SMARCA4: variants seen among roughly 807,000 people sequenced by gnomAD.
SMARCA4 encodes the protein SWI/SNF-related matrix-associated actin-dependent regulator of chromatin subfamily A member 4.
A neutral mutation model predicts 193.9 loss-of-function variants in SMARCA4; 31 were observed. The ratio of observed to expected loss-of-function variants is 0.16; its 90% CI spans 0.12 to 0.22. SMARCA4 has a LOEUF of 0.22. Ranked by LOEUF, SMARCA4 falls within the 10% of genes least tolerant of loss-of-function variation. The probability of loss-of-function intolerance (pLI) is 1.00; values close to 1 mark genes in which losing one functional copy is unlikely to be tolerated. For missense variants in SMARCA4, 1,148 were observed against 2,296.0 expected (o/e 0.50, Z 10.22); for synonymous variants, 942 against 933.1 (o/e 1.01, Z -0.17).
intron 30 of SMARCA4, among the ~76,000 whole-genome samples, chr19:11,051,368 G>T (rs115371555): frequency 6.6e-6 from 1 of 152,152 alleles, no homozygotes; most frequent in Non-Finnish European, 1.5e-5. Context: ...GGAGCCGCTC[G>T]TGCCTTTCCC....
At chr19:11,012,841 G>T in intron 15 of SMARCA4, 108 bp from the exon 16 acceptor site, 1 of 993,324 alleles carries the variant, frequency 1.0e-6, no homozygotes, top group African/African-American at 1.6e-5. Context: ...GTGGGATGTG[G>T]CTTAGGCAGA....
intron 34 of SMARCA4, chr19:11,060,441 G>C: frequency 3.4e-6 from 2 of 586,320 alleles, no homozygotes; most frequent in South Asian, 3.9e-5. Context: ...GGACACGTGA[G>C]TCCTCAGGAC....
intron 30 of SMARCA4, among the ~76,000 whole-genome samples, chr19:11,047,424 T>TC (rs2076004509): frequency 7.2e-6 from 1 of 139,290 alleles, no homozygotes; most frequent in African/African-American, 2.6e-5. Flanking sequence ...TTTTTTTTTT[T>TC]TGGAGATGCA....
At chr19:10,981,229 G>C (rs910706461) in intron 1 of SMARCA4, among the ~76,000 whole-genome samples, 1 of 152,094 alleles carries the variant, frequency 6.6e-6, no homozygotes, top group Non-Finnish European at 1.5e-5. Context: ...AGAGGGGAGC[G>C]CCAAGGAGCC....
At position 10,985,120 on chromosome 19, in the gene SMARCA4, C is replaced by T. The variant is rs145447562; in HGVS notation, c.223-153C>T. Among the ~76,000 whole-genome samples the T allele has an allele frequency of 2.1e-3, 316 of 152,064 alleles. 2 individuals are homozygous for T. Among genetic ancestry groups the T allele is most frequent in the Non-Finnish European group, 2.4e-3 (164 of 67,994 alleles). On this transcript the variant is annotated intron_variant, in intron 2 of 34. Transcript: ENST00000344626. This position sits in a 1 kb window ranked among gnomAD's most constrained non-coding sequence, Gnocchi z 4.5. ...TCGAGGCCTAAGTAGGTGTCAGAACCTTGCCTTGGAGTCATGCTGGGGACT... is the reference window on the plus strand; with the variant it reads ...TCGAGGCCTAAGTAGGTGTCAGAACTTTGCCTTGGAGTCATGCTGGGGACT...
rs1202339621 is a variant in SMARCA4 at position 11,018,129 on chromosome 19, C to T, written c.2439-828C>T. ...ACACAGCACCTCCCTCGTGGAGCTG[C>T]TTGGGGGCAAACCACGAGTAGTCCC... On this transcript the variant is annotated intron_variant, in intron 16 of 34. Transcript: ENST00000344626. Among the ~76,000 whole-genome samples, 3 of 152,200 alleles carry T rather than the reference C, an allele frequency of 2.0e-5. No individual in the cohort carries two copies. The South Asian group carries it at 6.2e-4, about 32-fold the overall frequency.
At chr19:11,003,250 T>C in intron 12 of SMARCA4, 90 bp from the exon 13 acceptor site, 1 of 1,606,942 alleles carries the variant, frequency 6.2e-7, no homozygotes, top group Non-Finnish European at 8.5e-7. Flanking sequence ...GCAATTTTAC[T>C]TCTGTTTGAA....
rs1414888106 is a variant in SMARCA4 at position 10,994,990 on chromosome 19, C to T, written c.1582C>T (p.Arg528Trp). 2 of 1,612,092 alleles carry T rather than the reference C, an allele frequency of 1.2e-6. No individual in the cohort carries two copies. Among genetic ancestry groups the T allele is most frequent in the Non-Finnish European group, 1.7e-6 (2 of 1,179,030 alleles). ...ENERIEKERM[R>W]RLMAEDEEGY... Reference sequence around the variant, plus strand: ...CGAGCGGATCGAGAAGGAGCGCATGCGGAGGCTCATGGTATGGTCCTGCCT... The same window carrying T: ...CGAGCGGATCGAGAAGGAGCGCATGTGGAGGCTCATGGTATGGTCCTGCCT... The change falls in exon 9 of 35, where the codon CGG becomes TGG. Residue 528 changes from arginine to tryptophan, a missense_variant. This residue lies in a region of SMARCA4 where 10 missense variants were observed against 89.9 expected (regional missense o/e 0.11). Transcript: ENST00000344626.
intron 30 of SMARCA4, among the ~76,000 whole-genome samples, chr19:11,044,759 G>T (rs2075805380): frequency 6.6e-6 from 1 of 152,130 alleles, no homozygotes; most frequent in Non-Finnish European, 1.5e-5. Flanking sequence ...ATTTTCTGAG[G>T]CTCAGCCTGT....
chr19:11,028,784 G>A (rs769634761), intron 24 of SMARCA4, among the ~76,000 whole-genome samples: 13 of 152,232 alleles, frequency 8.5e-5, no homozygotes, highest in Non-Finnish European at 1.5e-5. Context: ...GAGCCCTGGA[G>A]TGAGTTCTTC....
chr19:11,000,408 G>T (rs1366225029), intron 11 of SMARCA4, among the ~76,000 whole-genome samples: 1 of 152,064 alleles, frequency 6.6e-6, no homozygotes, highest in African/African-American at 2.4e-5. Flanking sequence ...CACGCCTGTA[G>T]TCCCACCTAC....
At chr19:11,022,990 A>G (rs1277781749) in intron 19 of SMARCA4, among the ~76,000 whole-genome samples, 1 of 152,192 alleles carries the variant, frequency 6.6e-6, no homozygotes, top group Non-Finnish European at 1.5e-5. Flanking sequence ...AAACATTTTA[A>G]AAGTTAATTA....
chr19:11,019,613 C>T lies in SMARCA4; in HGVS notation c.2528C>T (p.Ala843Val), dbSNP rs1568482840. 3 of 1,612,156 alleles carry T rather than the reference C, an allele frequency of 1.9e-6. No individual in the cohort carries two copies. The highest frequency in any genetic ancestry group is 2.5e-6 in the Non-Finnish European group (3 of 1,179,138). Residue 843 changes from alanine (A) to valine (V), a missense_variant, in exon 18 of 35, where the codon GCC becomes GTC. Transcript: ENST00000344626. The surrounding 1 kb of genome is among the most constrained non-coding windows in gnomAD (Gnocchi z 6.1). Reference sequence around the variant, plus strand: ...CAGGGATCCCCAGCAGCAAGACGGGCCTTTGTCCCCCAGCTCCGGAGTGGG... The same window carrying T: ...CAGGGATCCCCAGCAGCAAGACGGGTCTTTGTCCCCCAGCTCCGGAGTGGG... ...SYKGSPAARR[A>V]FVPQLRSGKF...
intron 30 of SMARCA4, among the ~76,000 whole-genome samples, chr19:11,048,227 A>AT (rs56925661): frequency 4.5e-4 from 67 of 148,418 alleles, no homozygotes; most frequent in East Asian, 3.5e-3. Context: ...GTTTAATTGG[A>AT]TTTTTTTTTT....
intron 16 of SMARCA4, among the ~76,000 whole-genome samples, chr19:11,016,779 C>T (rs2089404199): frequency 1.3e-5 from 2 of 152,100 alleles, no homozygotes; most frequent in Non-Finnish European, 2.9e-5. Context: ...GGAGTGCTTT[C>T]AGTTGGCTCT....
At chr19:10,998,708 C>T (rs953749447) in intron 11 of SMARCA4, among the ~76,000 whole-genome samples, 8 of 152,166 alleles carry the variant, frequency 5.3e-5, no homozygotes, top group Admixed American at 1.3e-4. Flanking sequence ...GAATGGATTC[C>T]GATCCTTTAA....
chr19:10,973,157 G>C (rs1302724098), intron 1 of SMARCA4, among the ~76,000 whole-genome samples: 1 of 152,046 alleles, frequency 6.6e-6, no homozygotes, highest in East Asian at 1.9e-4. Flanking sequence ...CAGGGAGCGT[G>C]GGTCAGGATG....
At chr19:11,021,553 G>C in intron 18 of SMARCA4, 172 bp from the exon 19 acceptor site, 1 of 794,634 alleles carries the variant, frequency 1.3e-6, no homozygotes, top group African/African-American at 1.7e-5. Context: ...ACGTTGTGTG[G>C]CTCCAACTCG....
intron 1 of SMARCA4, among the ~76,000 whole-genome samples, chr19:10,967,977 T>C (rs2084369958): frequency 6.6e-6 from 1 of 151,408 alleles, no homozygotes; most frequent in Non-Finnish European, 1.5e-5. Context: ...CCCGGGTTCA[T>C]GCCATTCTCC....
Sources: allele counts gnomAD v4.1 joint callset (sites outside exome capture counted in the v4.1 genomes callset), GRCh38; gene constraint gnomAD v4.1.1; regional missense constraint gnomAD v4.1.1; non-coding constraint Gnocchi (gnomAD v3.1); transcripts MANE v1.5; gene names NCBI Gene and HGNC (gene_info 2026-07-23, HGNC 2026-07-21).